Variants in TREH observed in about 807,000 individuals in gnomAD.
TREH encodes alpha,alpha-trehalose glucohydrolase.
TREH carries 69 observed loss-of-function variants against 80.5 expected under a neutral mutation model. The ratio of observed to expected loss-of-function variants is 0.86; its 90% CI spans 0.71 to 1.05. The LOEUF is 1.05. Among genes scored for constraint, TREH ranks in the 50% least tolerant of loss-of-function variants. TREH has a pLI of 0.00. For synonymous variants in TREH, 309 were observed against 293.5 expected, an observed-to-expected ratio of 1.05 and a Z score of -0.54; for missense variants, 716 against 718.8, an observed-to-expected ratio of 1.00 and a Z score of 0.04.
At chr11:118,679,142 C>G (rs1949508883) in intron 1 of TREH, among the ~76,000 whole-genome samples, 1 of 152,068 alleles carries the variant, frequency 6.6e-6, no homozygotes, top group African/African-American at 2.4e-5. Context: ...AGTCGCCAAG[C>G]CTAATGTCCC....
rs550966130 is a variant in TREH, at chr11:118,665,180, C to T, written c.90-1741G>A. 5.9e-5 allele frequency among the ~76,000 whole-genome samples: 9 copies of T among 152,020 alleles called. No individual in the cohort carries two copies. In the South Asian group the frequency reaches 1.9e-3, roughly 32 times the overall value. On this transcript the variant is annotated intron_variant, in intron 1 of 14. Coordinates refer to ENST00000264029, the MANE Select transcript of TREH (RefSeq NM_007180.3). ...AAGGGAGGTCTCCATTGGTTGGATT[C>T]CCCTAATTTTTCTGGGGGATCTGGG...
chr11:118,676,780 A>AC (rs1949484267), intron 1 of TREH, among the ~76,000 whole-genome samples: 2 of 150,180 alleles, frequency 1.3e-5, no homozygotes, highest in Admixed American at 1.3e-4. Flanking sequence ...AAAAAAAAAA[A>AC]GAAAGAAAAA....
intron 1 of TREH, among the ~76,000 whole-genome samples, chr11:118,664,413 G>A (rs1190112299): frequency 1.3e-5 from 2 of 152,242 alleles, no homozygotes; most frequent in African/African-American, 2.4e-5. Context: ...CTTATGGGCA[G>A]TAGCCAATGG....
Position 118,663,504 on chromosome 11 carries a change from G to C in TREH, c.90-65C>G. ...CCACCCCATTAGGACAGAAGAGAAG[G>C]CTAGAGTCTGTGGTAGACTGGTCAA... On this transcript the variant is annotated intron_variant, in intron 1 of 14. Coordinates refer to ENST00000264029, the MANE Select transcript of TREH (RefSeq NM_007180.3). 3.7e-6 allele frequency: 5 copies of C among 1,335,384 alleles called. No homozygotes were observed. In the South Asian group the frequency reaches 6.4e-5, roughly 17 times the overall value. The allele number at this position is 1,335,384 out of a possible 1,614,324, so 82.7% of individuals were successfully genotyped here.
intron 1 of TREH, among the ~76,000 whole-genome samples, chr11:118,669,775 A>G (rs1949414014): frequency 6.6e-6 from 1 of 152,214 alleles, no homozygotes; most frequent in South Asian, 2.1e-4. Context: ...AATAATGCAT[A>G]AGACCTAGTA....
intron 9 of TREH, 50 bp from the exon 10 acceptor site, chr11:118,660,783 G>A (rs1434420578): frequency 1.3e-6 from 2 of 1,547,386 alleles, no homozygotes; most frequent in Non-Finnish European, 1.8e-6. Flanking sequence ...AGGATAGGCA[G>A]CCATTGACAG....
chr11:118,679,159 C>T (rs1202831996), intron 1 of TREH, among the ~76,000 whole-genome samples: 3 of 152,178 alleles, frequency 2.0e-5, no homozygotes, highest in East Asian at 1.9e-4. Flanking sequence ...TCCCTTCCAA[C>T]GGTGGAAAAT....
chr11:118,658,523 C>T (rs1439719173), intron 14 of TREH, 82 bp from the exon 15 acceptor site: 3 of 1,541,258 alleles, frequency 1.9e-6, no homozygotes, highest in Non-Finnish European at 2.6e-6. Context: ...TCCCCAGGGG[C>T]ACTGGCCCTG....
intron 1 of TREH, among the ~76,000 whole-genome samples, chr11:118,677,984 C>T (rs547153036): frequency 6.6e-6 from 1 of 152,294 alleles, no homozygotes; most frequent in East Asian, 1.9e-4. Flanking sequence ...CAAGCACTGT[C>T]AACTCTCCCT....
intron 1 of TREH, among the ~76,000 whole-genome samples, chr11:118,668,917 C>T (rs966231751): frequency 6.6e-6 from 1 of 151,980 alleles, no homozygotes; most frequent in Admixed American, 6.6e-5. Context: ...GAGCAAGACT[C>T]CATCTCGGAA....
chr11:118,668,715 G>A (rs543545721), intron 1 of TREH, among the ~76,000 whole-genome samples: 16 of 152,202 alleles, frequency 1.1e-4, no homozygotes, highest in Middle Eastern at 3.4e-3. Flanking sequence ...CAAGGCAGGC[G>A]GATCACTTGA....
At chr11:118,663,793 A>T (rs1475639979) in intron 1 of TREH, among the ~76,000 whole-genome samples, 5 of 144,134 alleles carry the variant, frequency 3.5e-5, no homozygotes, top group Non-Finnish European at 7.7e-5. Context: ...ACTCGATCGG[A>T]AGGGCTTATG....
chr11:118,664,815 A>T (rs192591346), intron 1 of TREH, among the ~76,000 whole-genome samples: 16 of 152,268 alleles, frequency 1.1e-4, no homozygotes, highest in African/African-American at 3.9e-4. Context: ...TACCTTCAAA[A>T]ATGTGTGCTC....
chr11:118,660,984 C>T, intron 8 of TREH, 69 bp from the exon 9 acceptor site: 1 of 1,547,722 alleles, frequency 6.5e-7, no homozygotes, highest in Non-Finnish European at 8.8e-7. Context: ...CAAGAAGAGG[C>T]TGAGCCATCT....
At chr11:118,673,103 A>G (rs534174824) in intron 1 of TREH, among the ~76,000 whole-genome samples, 1 of 152,320 alleles carries the variant, frequency 6.6e-6, no homozygotes, top group South Asian at 2.1e-4. Flanking sequence ...TCATACCTTC[A>G]TACCCTTATT....
rs1555144924 is a variant in TREH at position 118,661,352 on chromosome 11, T to G, written c.734+41A>C. On this transcript the variant is annotated intron_variant, in intron 7 of 14. Coordinates refer to ENST00000264029, the MANE Select transcript of TREH (RefSeq NM_007180.3). This position sits in a 1 kb window ranked among gnomAD's most constrained non-coding sequence, Gnocchi z 4.2. ...CCCCAGCCCTGAGAGGTCTGAGGGA[T>G]GGGTGGGTCTGCAGAGCAGCACAGG... 6.2e-7 allele frequency: 1 copy of G among 1,613,872 alleles called. No homozygotes were observed. The highest frequency in any genetic ancestry group is 1.7e-5 in the Admixed American group (1 of 60,020).
chr11:118,666,766 C>T (rs1401656851), intron 1 of TREH, among the ~76,000 whole-genome samples: 1 of 152,206 alleles, frequency 6.6e-6, no homozygotes, highest in African/African-American at 2.4e-5. Flanking sequence ...GAGCGAAATA[C>T]AGCAGCAGCA....
In TREH at chr11:118,679,629, G is replaced by A. The variant is rs1555147260; in HGVS notation, c.-2C>T. The A allele has an allele frequency of 5.9e-6, 9 of 1,512,722 alleles. No homozygotes were observed. The highest frequency in any genetic ancestry group is 8.0e-6 in the Non-Finnish European group (9 of 1,125,954). The allele number at this position is 1,512,722 out of a possible 1,614,324, so 93.7% of individuals were successfully genotyped here. ...CAGCTCCCAGGTCCTCCCTGGCATG[G>A]TGGCTGTGACTGTGACTGAATGAGC... On this transcript the variant is annotated 5_prime_UTR_variant, in exon 1 of 15. Coordinates refer to ENST00000264029, the MANE Select transcript of TREH (RefSeq NM_007180.3).
chr11:118,668,880 C>T (rs1330431220), intron 1 of TREH, among the ~76,000 whole-genome samples: 3 of 151,814 alleles, frequency 2.0e-5, no homozygotes, highest in Non-Finnish European at 4.4e-5. Flanking sequence ...GCAGAGGTTG[C>T]GCCACTGTGC....
Sources: allele counts gnomAD v4.1 joint callset (sites outside exome capture counted in the v4.1 genomes callset), GRCh38; gene constraint gnomAD v4.1.1; non-coding constraint Gnocchi (gnomAD v3.1); transcripts MANE v1.5; gene names NCBI Gene and HGNC (gene_info 2026-07-23, HGNC 2026-07-21).